The following KIAA1614 variants were observed in gnomAD, a reference collection of about 807,000 sequenced individuals.
The protein encoded by KIAA1614 is uncharacterized protein KIAA1614.
A neutral mutation model predicts 88.7 loss-of-function variants in KIAA1614; 76 were observed. The ratio of observed to expected loss-of-function variants is 0.86; its 90% CI spans 0.71 to 1.04. The LOEUF is 1.04. KIAA1614 is among the 50% of genes least tolerant of loss of function. The pLI, the probability that KIAA1614 is intolerant of heterozygous loss-of-function variation, is 0.00. For synonymous variants in KIAA1614, 714 were observed against 675.5 expected, an observed-to-expected ratio of 1.06 and a Z score of -0.88; for missense variants, 1,553 against 1,582.5, an observed-to-expected ratio of 0.98 and a Z score of 0.32.
chr1:180,925,510 G>C (rs911043404), intron 3 of KIAA1614, among the ~76,000 whole-genome samples: 7 of 152,192 alleles, frequency 4.6e-5, no homozygotes, highest in Admixed American at 4.6e-4. Context: ...ACACAGACTC[G>C]CTGAGCTTAT....
At position 180,915,023 on chromosome 1, in the gene KIAA1614, C is replaced by G. The variant is rs562224538; in HGVS notation, c.51-1131C>G. Among the ~76,000 whole-genome samples, 18 of 151,248 alleles carry G rather than the reference C, an allele frequency of 1.2e-4. No individual in the cohort carries two copies. The South Asian group carries it at 3.6e-3, about 30-fold the overall frequency. On this transcript the variant is annotated intron_variant, in intron 1 of 8. Transcript: ENST00000367588. ...TTCACCATGTTGGCCAGGCTGGTCT[C>G]GAGCTCCTGACCTCAAGTGATCCAC...
At chr1:180,931,868 C>A (rs1161331074) in intron 4 of KIAA1614, among the ~76,000 whole-genome samples, 2 of 152,116 alleles carry the variant, frequency 1.3e-5, no homozygotes, top group African/African-American at 4.8e-5. Context: ...GCTTTTGGGG[C>A]CTGTGGAGGG....
At chr1:180,941,969 A>C (rs1444295914) in intron 7 of KIAA1614, among the ~76,000 whole-genome samples, 1 of 152,004 alleles carries the variant, frequency 6.6e-6, no homozygotes, top group Non-Finnish European at 1.5e-5. Context: ...CCCACCTGCA[A>C]ATGCCCACTC....
At position 180,916,842 on chromosome 1, in the gene KIAA1614, G is replaced by A; in HGVS notation, c.739G>A (p.Gly247Ser). The stretch of plus-strand genomic sequence containing the variant: ...AGGAAGGTCCTACCCTTTTCCAGAT[G>A]GCGTGGTGACAGAGGCAGATCTGGA... ...RTGRSYPFPD[G>S]VVTEADLDST... Residue 247 changes from glycine (G) to serine (S), a missense_variant, in exon 2 of 9, where the codon GGC (glycine) becomes AGC (serine). Coordinates refer to ENST00000367588, the MANE Select transcript of KIAA1614 (RefSeq NM_020950.2). 1 of 1,614,226 alleles carries A rather than the reference G, an allele frequency of 6.2e-7. No homozygotes were observed. Among genetic ancestry groups the A allele is most frequent in the Admixed American group, 1.7e-5 (1 of 60,034 alleles).
intron 3 of KIAA1614, chr1:180,928,226 C>G: frequency 1.8e-6 from 1 of 558,130 alleles, no homozygotes; most frequent in Non-Finnish European, 3.0e-6. Context: ...CATCCAGAGC[C>G]ACGCAGGGCC....
In KIAA1614 at chr1:180,945,591, C is replaced by T. The variant is rs202098581; in HGVS notation, c.*3C>T. On this transcript the variant is annotated 3_prime_UTR_variant, in exon 9 of 9. Coordinates refer to ENST00000367588, the MANE Select transcript of KIAA1614 (RefSeq NM_020950.2). Reference sequence around the variant, plus strand: ...AGGCTTTTCTGGTCTTTGGCTGAGCCGTGCAGCTCTGGGAATTCAGAAAGC... The same window carrying T: ...AGGCTTTTCTGGTCTTTGGCTGAGCTGTGCAGCTCTGGGAATTCAGAAAGC... 4.1e-5 allele frequency: 66 copies of T among 1,601,336 alleles called. No individual in the cohort carries two copies. In the East Asian group the frequency reaches 7.8e-4, roughly 19 times the overall value.
intron 6 of KIAA1614, among the ~76,000 whole-genome samples, chr1:180,939,310 T>C (rs1401799675): frequency 6.6e-6 from 1 of 152,232 alleles, no homozygotes; most frequent in African/African-American, 2.4e-5. Context: ...TAGCACCATC[T>C]GCTCTCCAGA....
At chr1:180,928,690 CTG>C (rs1026454893) in intron 4 of KIAA1614, 117 bp downstream of exon 4, 4 of 1,155,240 alleles carry the variant, frequency 3.5e-6, no homozygotes, top group South Asian at 3.3e-5. Flanking sequence ...GTGTGTGTGT[CTG>C]TGTGTTTTCC....
At chr1:180,915,494 T>C (rs934726493) in intron 1 of KIAA1614, among the ~76,000 whole-genome samples, 1 of 152,246 alleles carries the variant, frequency 6.6e-6, no homozygotes, top group African/African-American at 2.4e-5. Flanking sequence ...ATAGGATTAG[T>C]TGTCCTCTGA....
intron 2 of KIAA1614, 120 bp from the exon 3 acceptor site, chr1:180,917,731 A>C (rs1282944926): frequency 1.2e-6 from 1 of 816,218 alleles, no homozygotes; most frequent in Non-Finnish European, 2.1e-6. Flanking sequence ...GCAAAGTGTT[A>C]GATTTATCTG....
chr1:180,931,279 T>A (rs1654192281), intron 4 of KIAA1614, among the ~76,000 whole-genome samples: 1 of 152,030 alleles, frequency 6.6e-6, no homozygotes, highest in Non-Finnish European at 1.5e-5. Context: ...ACACTGTAAG[T>A]GGTACTGTCC....
At position 180,946,676 on chromosome 1, in the gene KIAA1614, CGATGGGG is replaced by C. The variant is rs1654604036; in HGVS notation, c.*1090_*1096del. 6.6e-6 allele frequency: 1 copy of C among 152,376 alleles called. No homozygotes were observed. The highest frequency in any genetic ancestry group is 1.9e-4 in the East Asian group (1 of 5,180). The allele number at this position is 152,376 out of a possible 1,614,324, so 9.4% of individuals were successfully genotyped here. On this transcript the variant is annotated 3_prime_UTR_variant, in exon 9 of 9. Transcript: ENST00000367588. Reference sequence around the variant, plus strand: ...GAAGCCTGCTGCGGCCGGGCTCTGCCGATGGGGGGTTGAGTCCTGTGCTTTGATCTCC... The same window carrying C: ...GAAGCCTGCTGCGGCCGGGCTCTGCCGGTTGAGTCCTGTGCTTTGATCTCC...
At chr1:180,940,653 CTTTCT>C (rs763794245) in intron 6 of KIAA1614, among the ~76,000 whole-genome samples, 6 of 151,144 alleles carry the variant, frequency 4.0e-5, no homozygotes, top group Admixed American at 1.3e-4. Context: ...TCTTTTCTTT[CTTTCT>C]TTTCCTTTAC....
chr1:180,936,665 G>C lies in KIAA1614; in HGVS notation c.2756G>C (p.Arg919Thr). 6.6e-7 allele frequency: 1 copy of C among 1,519,564 alleles called. No homozygotes were observed. The highest frequency in any genetic ancestry group is 8.8e-7 in the Non-Finnish European group (1 of 1,138,088). The allele number at this position is 1,519,564 out of a possible 1,614,324, so 94.1% of individuals were successfully genotyped here. A position where few individuals can be genotyped will look rare whatever the true frequency, so the allele number is the denominator to read the frequency against. The stretch of plus-strand genomic sequence containing the variant: ...CCGGAGCCGCCCCTGGAGAACAGCA[G>C]AGATGGTAAGGGGCTGCCGCTGGTT... ...REPEPPLENS[R>T]DGGPQGFLGS... The change falls in exon 5 of 9, where the codon AGA (arginine) becomes ACA (threonine). Residue 919 changes from arginine (R) to threonine (T), a missense_variant. Coordinates refer to ENST00000367588, the MANE Select transcript of KIAA1614 (RefSeq NM_020950.2).
chr1:180,927,318 CCCCAAAGAGCGCATCTG>C (rs1654089950), intron 3 of KIAA1614, among the ~76,000 whole-genome samples: 1 of 152,172 alleles, frequency 6.6e-6, no homozygotes. Context: ...GATGAAGTTA[CCCCAAAGAGCGCATCTG>C]CCCCCAGCCA....
At chr1:180,938,514 T>G in intron 5 of KIAA1614, 41 bp from the exon 6 acceptor site, 6 of 1,603,558 alleles carry the variant, frequency 3.7e-6, no homozygotes, top group Non-Finnish European at 5.1e-6. Context: ...ACCTGTGGGA[T>G]GAGCCGGTCT....
At chr1:180,944,772 A>T in intron 8 of KIAA1614, 1 of 353,680 alleles carries the variant, frequency 2.8e-6, no homozygotes, top group Non-Finnish European at 5.2e-6. Context: ...GTTTGATTCC[A>T]CTGTCCCTCT....
intron 4 of KIAA1614, among the ~76,000 whole-genome samples, chr1:180,934,247 C>T (rs1244785730): frequency 3.0e-5 from 3 of 100,778 alleles, no homozygotes; most frequent in African/African-American, 1.2e-4. Flanking sequence ...AGTAAAACTC[C>T]GTCTCAAAAA....
At chr1:180,936,882 G>A (rs914975671) in intron 5 of KIAA1614, among the ~76,000 whole-genome samples, 3 of 152,160 alleles carry the variant, frequency 2.0e-5, no homozygotes, top group South Asian at 2.1e-4. Context: ...ATTGACCGCC[G>A]GCCTGGAGGC....
Sources: gnomAD v4.1 joint callset for allele counts (sites outside exome capture counted in the v4.1 genomes callset) on GRCh38, gnomAD v4.1.1 for gene constraint, MANE v1.5 for transcripts, NCBI Gene and HGNC (gene_info 2026-07-23, HGNC 2026-07-21) for gene names.